VAMP1: variants seen among roughly 807,000 people sequenced by gnomAD.
VAMP1 encodes vesicle associated membrane protein 1, also known as vesicle-associated membrane protein 1.
A neutral mutation model predicts 19.1 loss-of-function variants in VAMP1; 16 were observed. The observed-to-expected ratio is 0.84, with a 90% CI of 0.57 to 1.27. The LOEUF (loss-of-function observed/expected upper bound fraction) is 1.27. Among genes scored for constraint, VAMP1 ranks in the 50% most tolerant of loss-of-function variants. The pLI is 0.00. For missense variants in VAMP1, 109 were observed against 145.4 expected (o/e 0.75, Z 1.29); for synonymous variants, 37 against 50.2 (o/e 0.74, Z 1.11).
Position 6,463,242 on chromosome 12 carries a change from CAG to C in VAMP1, c.*1226_*1227del. ...AAAGGGGAATATACTACAGGAAGAACAGAGAGGCGGCTCTCAAGGAGAGGGCC... is the reference window on the plus strand; with the variant it reads ...AAAGGGGAATATACTACAGGAAGAACAGAGGCGGCTCTCAAGGAGAGGGCC... On this transcript the variant is annotated 3_prime_UTR_variant, in exon 5 of 5. Transcript: ENST00000396308. This position sits in a 1 kb window ranked among gnomAD's most constrained non-coding sequence, Gnocchi z 4.0. 2 of 1,387,420 alleles carry C rather than the reference CAG, an allele frequency of 1.4e-6. No individual in the cohort carries two copies. 85.9% of individuals were successfully genotyped at this position (1,387,420 alleles called of 1,614,324 possible). A position where few individuals can be genotyped will look rare whatever the true frequency, so the allele number is the denominator to read the frequency against.
chr12:6,465,427 T>A (rs564772597), intron 3 of VAMP1: 8 of 124,662 alleles, frequency 6.4e-5, no homozygotes, highest in East Asian at 2.3e-4. Context: ...TATATATATA[T>A]AAATGTATAT....
chr12:6,464,703 G>C, intron 4 of VAMP1, 187 bp downstream of exon 4: 1 of 1,505,844 alleles, frequency 6.6e-7, no homozygotes, highest in African/African-American at 1.4e-5. Context: ...GCAGGGGGAA[G>C]GCTTGTCCAT....
Position 6,462,511 on chromosome 12 carries a change from G to A in VAMP1, c.*1959C>T. 4 of 500,840 alleles carry A rather than the reference G, an allele frequency of 8.0e-6. No individual in the cohort carries two copies. Among genetic ancestry groups the A allele is most frequent in the Non-Finnish European group, 1.4e-5 (4 of 282,426 alleles). The allele number at this position is 500,840 out of a possible 1,614,324, so 31.0% of individuals were successfully genotyped here. A position where few individuals can be genotyped will look rare whatever the true frequency, so the allele number is the denominator to read the frequency against. On this transcript the variant is annotated 3_prime_UTR_variant, in exon 5 of 5. Transcript: ENST00000396308. ...GCACATTTGCTCATGCACATGGGTGGTGGGAGGAAAGGGGGATAGCAGAGA... is the reference window on the plus strand; with the variant it reads ...GCACATTTGCTCATGCACATGGGTGATGGGAGGAAAGGGGGATAGCAGAGA...
Position 6,464,413 on chromosome 12 carries a change from A to G in VAMP1, c.*57T>C. The G allele has an allele frequency of 6.4e-7, 1 of 1,559,724 alleles. No homozygotes were observed. ...GGAAGTGTGTTGAGAGAGCAAACAG[A>G]GGGCAGAGGACATGAATGTGGATGG... On this transcript the variant is annotated 3_prime_UTR_variant, in exon 5 of 5. Transcript: ENST00000396308.
In VAMP1 at chr12:6,470,596, G is replaced by C; in HGVS notation, c.-65C>G. 1 of 1,606,342 alleles carries C rather than the reference G, an allele frequency of 6.2e-7. No individual in the cohort carries two copies. Among genetic ancestry groups the C allele is most frequent in the Non-Finnish European group, 8.5e-7 (1 of 1,174,112 alleles). ...GGCTGCGGCGAGACACCCGGTGAGG[G>C]ACGCTGCGGCTGAAGTGGACGGAAC... is the stretch of plus-strand genomic sequence containing the variant. On this transcript the variant is annotated 5_prime_UTR_variant, in exon 1 of 5. Transcript: ENST00000396308.
chr12:6,463,020 C>T lies in VAMP1; in HGVS notation c.*1450G>A, dbSNP rs1949921512. On this transcript the variant is annotated 3_prime_UTR_variant, in exon 5 of 5. Transcript: ENST00000396308. The surrounding 1 kb of genome is among the most constrained non-coding windows in gnomAD (Gnocchi z 4.0). ...AATAAAGGGCCATGGGCATTCTCCG[C>T]TCTGTTCCCAGCCTGCCCTCCTCCC... 6.5e-7 allele frequency: 1 copy of T among 1,548,370 alleles called. No homozygotes were observed. Among genetic ancestry groups the T allele is most frequent in the East Asian group, 2.4e-5 (1 of 40,922 alleles).
In VAMP1 at chr12:6,463,143, CTA is replaced by C. The variant is rs1409293318; in HGVS notation, c.*1325_*1326del. The C allele has an allele frequency of 2.1e-5, 31 of 1,466,814 alleles. No individual in the cohort carries two copies. The highest frequency in any genetic ancestry group is 2.8e-5 in the Non-Finnish European group (31 of 1,113,858). 90.9% of individuals were successfully genotyped at this position (1,466,814 alleles called of 1,614,324 possible). ...AGATCCCATCCTCAGGTTCCACTGT[CTA>C]TACACACAAACCATGCAAAGAGGAG... On this transcript the variant is annotated 3_prime_UTR_variant, in exon 5 of 5. Transcript: ENST00000396308. This position sits in a 1 kb window ranked among gnomAD's most constrained non-coding sequence, Gnocchi z 4.0.
Position 6,463,096 on chromosome 12 carries a change from T to C in VAMP1, c.*1374A>G, listed in dbSNP as rs1222798218. The C allele has an allele frequency of 2.6e-6, 4 of 1,522,490 alleles. No individual in the cohort carries two copies. The highest frequency in any genetic ancestry group is 4.0e-5 in the Admixed American group (2 of 50,052). The allele number at this position is 1,522,490 out of a possible 1,614,324, so 94.3% of individuals were successfully genotyped here. On this transcript the variant is annotated 3_prime_UTR_variant, in exon 5 of 5. Transcript: ENST00000396308. The surrounding 1 kb of genome is among the most constrained non-coding windows in gnomAD (Gnocchi z 4.0). ...AATAGCCCATCCTGAAGCTCAGCAA[T>C]TGCCCCGAAGATAGGCTGAGCAGAT...
At chr12:6,464,702 A>G in intron 4 of VAMP1, 188 bp downstream of exon 4, 1 of 1,503,844 alleles carries the variant, frequency 6.6e-7, no homozygotes, top group Non-Finnish European at 8.8e-7. Context: ...TGCAGGGGGA[A>G]GGCTTGTCCA....
At position 6,464,865 on chromosome 12, in the gene VAMP1, C is replaced by A. The variant is rs749347812; in HGVS notation, c.340+25G>T. On this transcript the variant is annotated intron_variant, in intron 4 of 4. Coordinates refer to ENST00000396308, the MANE Select transcript of VAMP1 (RefSeq NM_014231.5). ...CCAGGACCTTCCCACCTCTTCACCC[C>A]ACCAGCAACTTCAGCGATACTTACT... 8 of 1,613,968 alleles carry A rather than the reference C, an allele frequency of 5.0e-6. No individual in the cohort carries two copies. In the South Asian group the frequency reaches 7.7e-5, roughly 16 times the overall value.
chr12:6,467,725 C>T (rs1565528188), intron 1 of VAMP1, among the ~76,000 whole-genome samples: 1 of 152,280 alleles, frequency 6.6e-6, no homozygotes, highest in Non-Finnish European at 1.5e-5. Context: ...CCTGGAGGCC[C>T]AGGAGGAAAA....
intron 3 of VAMP1, chr12:6,465,357 A>AGTAT: frequency 4.7e-6 from 1 of 213,868 alleles, no homozygotes; most frequent in Non-Finnish European, 8.6e-6. Flanking sequence ...AAAAGAAAAA[A>AGTAT]GTATATATAT....
chr12:6,466,217 C>T lies in VAMP1; in HGVS notation c.129+8G>A, dbSNP rs921700259. The T allele has an allele frequency of 6.2e-7, 1 of 1,614,042 alleles. No individual in the cohort carries two copies. The highest frequency in any genetic ancestry group is 1.3e-5 in the African/African-American group (1 of 74,942). Reference sequence around the variant, plus strand: ...TGGAAACTTTCAGAGAAACAGCTATCTACCTACCTCCTCCACTTGTGCCTG... The same window carrying T: ...TGGAAACTTTCAGAGAAACAGCTATTTACCTACCTCCTCCACTTGTGCCTG... On this transcript the variant is annotated splice_region_variant and intron_variant, in intron 2 of 4. Transcript: ENST00000396308.
chr12:6,467,567 G>GA (rs369107598), intron 1 of VAMP1, among the ~76,000 whole-genome samples: 1 of 152,090 alleles, frequency 6.6e-6, no homozygotes, highest in Admixed American at 6.5e-5. Flanking sequence ...CAGTACTAAA[G>GA]AAAAAAACCA....
intron 1 of VAMP1, among the ~76,000 whole-genome samples, chr12:6,467,809 C>A (rs926252047): frequency 3.3e-5 from 5 of 152,230 alleles, no homozygotes; most frequent in Admixed American, 3.3e-4. Flanking sequence ...GTGTCCCAGC[C>A]GCTCCCACTG....
Position 6,470,641 on chromosome 12 carries a change from C to A in VAMP1, c.-110G>T. 6.9e-7 allele frequency: 1 copy of A among 1,456,400 alleles called. No homozygotes were observed. Among genetic ancestry groups the A allele is most frequent in the South Asian group, 1.2e-5 (1 of 85,430 alleles). The allele number at this position is 1,456,400 out of a possible 1,614,324, so 90.2% of individuals were successfully genotyped here. A position where few individuals can be genotyped will look rare whatever the true frequency, so the allele number is the denominator to read the frequency against. On this transcript the variant is annotated 5_prime_UTR_variant, in exon 1 of 5. Transcript: ENST00000396308. Reference sequence around the variant, plus strand: ...CGGAACTGCCAAGCTCCGCCTCGCGCCGACTACCCCGCGGTCTAGCTGCGC... The same window carrying A: ...CGGAACTGCCAAGCTCCGCCTCGCGACGACTACCCCGCGGTCTAGCTGCGC...
intron 1 of VAMP1, among the ~76,000 whole-genome samples, chr12:6,468,610 G>A (rs2063515220): frequency 6.6e-6 from 1 of 152,166 alleles, no homozygotes; most frequent in African/African-American, 2.4e-5. Context: ...AGTCTCAGAT[G>A]ACTCCCTTGG....
At chr12:6,468,734 A>C (rs959314646) in intron 1 of VAMP1, among the ~76,000 whole-genome samples, 2 of 152,188 alleles carry the variant, frequency 1.3e-5, no homozygotes, top group African/African-American at 4.8e-5. Context: ...ACTCCTCTCC[A>C]TGTCCCAAAA....
chr12:6,466,382 G>A, intron 1 of VAMP1, 31 bp from the exon 2 acceptor site: 3 of 1,594,128 alleles, frequency 1.9e-6, no homozygotes, highest in Admixed American at 1.8e-5. Context: ...AGTACACAAA[G>A]TGACCAAGAC....
Sources: gnomAD v4.1 joint callset for allele counts (sites outside exome capture counted in the v4.1 genomes callset) on GRCh38, gnomAD v4.1.1 for gene constraint, Gnocchi (gnomAD v3.1) non-coding constraint, MANE v1.5 for transcripts, NCBI Gene and HGNC (gene_info 2026-07-23, HGNC 2026-07-21) for gene names.